Variants in NCOA1 observed in about 807,000 individuals in gnomAD.
The protein encoded by NCOA1 is Hin-2 protein.
Under a neutral mutation model 150.9 loss-of-function variants are expected in NCOA1, and 35 were observed. The observed-to-expected ratio is 0.23, with a 90% CI of 0.18 to 0.31. The LOEUF is 0.31. NCOA1 is among the 10% of genes least tolerant of loss of function. NCOA1 has a pLI of 1.00. For missense variants in NCOA1, 1,491 were observed against 1,749.3 expected (o/e 0.85, Z 2.63); for synonymous variants, 590 against 630.0 (o/e 0.94, Z 0.95).
chr2:24,554,980 G>A (rs1210662596), intron 1 of NCOA1, among the ~76,000 whole-genome samples: 2 of 151,990 alleles, frequency 1.3e-5, no homozygotes, highest in Non-Finnish European at 2.9e-5. Context: ...GTAAATACCC[G>A]GAGTTTGTCA....
chr2:24,593,859 A>C (rs1407153637), intron 3 of NCOA1, among the ~76,000 whole-genome samples: 1 of 152,144 alleles, frequency 6.6e-6, no homozygotes, highest in Admixed American at 6.6e-5. Flanking sequence ...TTTCTTAGAA[A>C]ACTAAAACAG....
intron 9 of NCOA1, among the ~76,000 whole-genome samples, chr2:24,692,995 G>T (rs959952912): frequency 1.3e-5 from 2 of 152,134 alleles, no homozygotes; most frequent in Admixed American, 6.5e-5. Flanking sequence ...CGAGTAGCGG[G>T]GACTGCAGGC....
chr2:24,519,318 A>G (rs774352084), intron 1 of NCOA1, among the ~76,000 whole-genome samples: 3 of 152,152 alleles, frequency 2.0e-5, no homozygotes, highest in Non-Finnish European at 4.4e-5. Flanking sequence ...AAAGATCACT[A>G]TAGAGTGGTC....
At chr2:24,512,971 A>G (rs563292420) in intron 1 of NCOA1, among the ~76,000 whole-genome samples, 51 of 152,300 alleles carry the variant, frequency 3.3e-4, no homozygotes, top group African/African-American at 1.2e-3. Flanking sequence ...GTGTGGGTGC[A>G]TATGGCTCTA....
At chr2:24,547,067 T>A (rs944451151) in intron 1 of NCOA1, among the ~76,000 whole-genome samples, 1 of 152,338 alleles carries the variant, frequency 6.6e-6, no homozygotes, top group East Asian at 1.9e-4. Context: ...GAATGACATG[T>A]GCACATTGGA....
intron 22 of NCOA1, among the ~76,000 whole-genome samples, chr2:24,764,571 G>C (rs1290498596): frequency 6.6e-6 from 1 of 152,172 alleles, no homozygotes; most frequent in Non-Finnish European, 1.5e-5. Flanking sequence ...ACAGAAACAG[G>C]GAAATAGTAA....
intron 5 of NCOA1, among the ~76,000 whole-genome samples, chr2:24,665,186 T>A (rs1671361097): frequency 6.6e-6 from 1 of 152,236 alleles, no homozygotes; most frequent in Admixed American, 6.5e-5. Flanking sequence ...CAGAATACAT[T>A]GTTCACTGTA....
Position 24,768,268 on chromosome 2 carries a change from T to C in NCOA1, c.4203T>C (p.Asn1401=). Residue 1401 remains asparagine, a synonymous_variant, in exon 23 of 23, where the codon AAT becomes AAC. Transcript: ENST00000348332. ...QVFADVQCTV[N]LVGGDPYLNQ... is the part of the protein sequence containing the mutation. ...TTGCTGACGTCCAGTGTACAGTGAA[T>C]CTGGTAGGCGGGGACCCTTACCTGA... 6.2e-7 allele frequency: 1 copy of C among 1,613,744 alleles called. No individual in the cohort carries two copies. The highest frequency in any genetic ancestry group is 8.5e-7 in the Non-Finnish European group (1 of 1,179,860).
chr2:24,643,116 G>T (rs1208371365), intron 3 of NCOA1, among the ~76,000 whole-genome samples: 2 of 152,286 alleles, frequency 1.3e-5, no homozygotes, highest in South Asian at 4.1e-4. Flanking sequence ...ATGAGTGCAT[G>T]CAAAAACTGG....
At chr2:24,750,661 C>G (rs928531229) in intron 19 of NCOA1, among the ~76,000 whole-genome samples, 2 of 152,062 alleles carry the variant, frequency 1.3e-5, no homozygotes, top group Non-Finnish European at 2.9e-5. Flanking sequence ...TCAGAGGTTA[C>G]CTGGGACTAG....
intron 1 of NCOA1, among the ~76,000 whole-genome samples, chr2:24,507,953 G>T (rs1243138597): frequency 6.6e-6 from 1 of 151,972 alleles, no homozygotes; most frequent in Non-Finnish European, 1.5e-5. Context: ...AAGTAATATG[G>T]AAACAAACAA....
chr2:24,680,246 G>A (rs1384987531), intron 7 of NCOA1, among the ~76,000 whole-genome samples: 1 of 152,094 alleles, frequency 6.6e-6, no homozygotes, highest in African/African-American at 2.4e-5. Context: ...TCCCATAATA[G>A]ATGTTCTCTT....
chr2:24,709,760 A>C (rs974460201), intron 13 of NCOA1, among the ~76,000 whole-genome samples: 2 of 152,250 alleles, frequency 1.3e-5, no homozygotes, highest in African/African-American at 4.8e-5. Flanking sequence ...CGTATCAGCC[A>C]AAAACTGGAA....
intron 3 of NCOA1, among the ~76,000 whole-genome samples, chr2:24,625,364 C>CAAAAAAAA (rs35143423): frequency 1.2e-5 from 1 of 82,180 alleles, no homozygotes; most frequent in African/African-American, 4.5e-5. Context: ...GACTCTGCCT[C>CAAAAAAAA]AAAAAAAAAA....
At chr2:24,604,245 T>C (rs1323947103) in intron 3 of NCOA1, among the ~76,000 whole-genome samples, 1 of 152,214 alleles carries the variant, frequency 6.6e-6, no homozygotes. Context: ...GTAATTCTTA[T>C]TGGCCATAGG....
At chr2:24,561,545 G>A (rs1253774316) in intron 1 of NCOA1, among the ~76,000 whole-genome samples, 1 of 152,160 alleles carries the variant, frequency 6.6e-6, no homozygotes, top group Non-Finnish European at 1.5e-5. Flanking sequence ...CATGAATCTG[G>A]CTCCAGATAG....
At chr2:24,599,294 A>T (rs1406929044) in intron 3 of NCOA1, among the ~76,000 whole-genome samples, 1 of 152,204 alleles carries the variant, frequency 6.6e-6, no homozygotes, top group East Asian at 1.9e-4. Context: ...TGAGACACAA[A>T]ATATGGTATC....
chr2:24,540,208 AAAG>A (rs1665330771), intron 1 of NCOA1, among the ~76,000 whole-genome samples: 1 of 152,214 alleles, frequency 6.6e-6, no homozygotes, highest in Admixed American at 6.5e-5. Flanking sequence ...AATCAACAAA[AAAG>A]AACTTAGGAT....
chr2:24,572,200 T>A (rs1362875669), intron 2 of NCOA1, among the ~76,000 whole-genome samples: 1 of 152,180 alleles, frequency 6.6e-6, no homozygotes, highest in Non-Finnish European at 1.5e-5. Flanking sequence ...GAATATGGCT[T>A]AGTCACTTTA....
Sources: gnomAD v4.1 joint callset for allele counts (sites outside exome capture counted in the v4.1 genomes callset) on GRCh38, gnomAD v4.1.1 for gene constraint, MANE v1.5 for transcripts, NCBI Gene and HGNC (gene_info 2026-07-23, HGNC 2026-07-21) for gene names.